Variants in CCSER1 observed in about 807,000 individuals in gnomAD.
CCSER1 encodes coiled-coil serine rich protein 1.
CCSER1 carries 41 observed loss-of-function variants against 82.0 expected under a neutral mutation model. The observed-to-expected ratio is 0.50, with a 90% CI of 0.39 to 0.65. CCSER1 has a LOEUF of 0.65. CCSER1 is among the 30% of genes least tolerant of loss of function. The pLI is 0.00. For synonymous variants in CCSER1, 414 were observed against 383.9 expected (o/e 1.08, Z -0.92); for missense variants, 1,119 against 1,064.2 (o/e 1.05, Z -0.72).
intron 8 of CCSER1, among the ~76,000 whole-genome samples, chr4:90,883,869 A>G (rs978379447): frequency 1.3e-4 from 19 of 151,936 alleles, no homozygotes; most frequent in Admixed American, 8.5e-4. Flanking sequence ...ACAATTGGAG[A>G]GAAAGAAAGA....
At chr4:90,490,747 T>C (rs182608116) in intron 5 of CCSER1, among the ~76,000 whole-genome samples, 4 of 152,118 alleles carry the variant, frequency 2.6e-5, no homozygotes, top group East Asian at 1.9e-4. Context: ...TATGGCTAGC[T>C]AGTTTTCCCA....
At chr4:90,481,038 T>G (rs989842107) in intron 5 of CCSER1, among the ~76,000 whole-genome samples, 1 of 152,196 alleles carries the variant, frequency 6.6e-6, no homozygotes, top group African/African-American at 2.4e-5. Flanking sequence ...TTTGTTTGTG[T>G]CCTCTTTTAT....
At chr4:90,307,484 C>T (rs1734508294) in intron 1 of CCSER1, among the ~76,000 whole-genome samples, 1 of 121,694 alleles carries the variant, frequency 8.2e-6, no homozygotes, top group Non-Finnish European at 1.6e-5. Context: ...CTCAGCTTCC[C>T]AAACCAAACT....
At chr4:91,413,286 GTTAAAA>G (rs1443878423) in intron 10 of CCSER1, among the ~76,000 whole-genome samples, 1 of 151,856 alleles carries the variant, frequency 6.6e-6, no homozygotes, top group Non-Finnish European at 1.5e-5. Context: ...CTACAAAAAT[GTTAAAA>G]TTAAATATTA....
intron 8 of CCSER1, among the ~76,000 whole-genome samples, chr4:90,871,284 TA>T (rs199869201): frequency 0.012 from 1,813 of 151,234 alleles, 20 homozygotes; most frequent in African/African-American, 0.032. Context: ...GTTCAAGTTT[TA>T]AAAAAAAATA....
In CCSER1 at chr4:90,179,390, T is replaced by G. The variant is rs1733305745; in HGVS notation, c.-42+51559T>G. Among the ~76,000 whole-genome samples the G allele has an allele frequency of 2.6e-5, 4 of 152,332 alleles. No individual in the cohort carries two copies. In the South Asian group the frequency reaches 6.2e-4, roughly 24 times the overall value. On this transcript the variant is annotated intron_variant, in intron 1 of 10. Coordinates refer to ENST00000509176, the MANE Select transcript of CCSER1 (RefSeq NM_001145065.2). ...CAAGATATTTTCCGAAGTATAATTT[T>G]TTTTTAATTTATTTTTTAGAGACAG... is the stretch of plus-strand genomic sequence containing the variant.
At chr4:90,269,673 A>C (rs1382108858) in intron 1 of CCSER1, among the ~76,000 whole-genome samples, 1 of 151,704 alleles carries the variant, frequency 6.6e-6, no homozygotes, top group African/African-American at 2.4e-5. Context: ...GAAAAGAAAT[A>C]ATGAATATTA....
intron 10 of CCSER1, among the ~76,000 whole-genome samples, chr4:91,518,526 C>T (rs1330585206): frequency 2.6e-5 from 4 of 152,136 alleles, no homozygotes; most frequent in Admixed American, 6.5e-5. Context: ...CTCCAAGAAA[C>T]GTGGAGCTGC....
At chr4:90,623,356 A>G (rs201298943) in intron 5 of CCSER1, among the ~76,000 whole-genome samples, 3 of 150,146 alleles carry the variant, frequency 2.0e-5, no homozygotes, top group Admixed American at 2.0e-4. Flanking sequence ...TTTTTTTTTT[A>G]TGGAGATAGA....
At chr4:91,179,115 G>A (rs1733726688) in intron 10 of CCSER1, among the ~76,000 whole-genome samples, 1 of 152,156 alleles carries the variant, frequency 6.6e-6, no homozygotes, top group Non-Finnish European at 1.5e-5. Context: ...CTTTATGAAT[G>A]GTGAATATTG....
intron 1 of CCSER1, among the ~76,000 whole-genome samples, chr4:90,156,658 G>C (rs1037614575): frequency 2.0e-5 from 3 of 151,982 alleles, no homozygotes; most frequent in African/African-American, 4.8e-5. Context: ...GATCTTTGTT[G>C]GTTTAAAGTC....
chr4:91,586,120 C>T (rs73836246), intron 10 of CCSER1, among the ~76,000 whole-genome samples: 16,543 of 151,382 alleles, frequency 0.11, 926 homozygotes, highest in Middle Eastern at 0.18. Flanking sequence ...TCAACTACAA[C>T]TTCAGAGTTT....
chr4:90,560,001 G>C (rs1444114690), intron 5 of CCSER1, among the ~76,000 whole-genome samples: 1 of 151,502 alleles, frequency 6.6e-6, no homozygotes, highest in Non-Finnish European at 1.5e-5. Flanking sequence ...CAAAAGGACT[G>C]ACAGCTGAAG....
chr4:91,529,855 T>C (rs114763103), intron 10 of CCSER1, among the ~76,000 whole-genome samples: 4,524 of 152,258 alleles, frequency 0.03, 104 homozygotes, highest in Non-Finnish European at 0.047. Flanking sequence ...AAGTTGTAGA[T>C]ATTAACTAAA....
chr4:90,742,212 C>T (rs1367185492), intron 7 of CCSER1, among the ~76,000 whole-genome samples: 1 of 152,144 alleles, frequency 6.6e-6, no homozygotes, highest in Non-Finnish European at 1.5e-5. Flanking sequence ...ATCACTCTCC[C>T]ACCAGGCTCC....
chr4:91,007,466 T>C (rs540840049), intron 9 of CCSER1, among the ~76,000 whole-genome samples: 4 of 152,318 alleles, frequency 2.6e-5, no homozygotes, highest in Admixed American at 2.0e-4. Flanking sequence ...TTGTTACTTG[T>C]CATTAGTCTG....
chr4:91,396,403 A>G (rs17018454), intron 10 of CCSER1, among the ~76,000 whole-genome samples: 4,911 of 152,192 alleles, frequency 0.032, 245 homozygotes, highest in African/African-American at 0.11. Context: ...TTAGTAAGCT[A>G]TCACTTATGT....
chr4:91,312,729 A>C (rs1703335143), intron 10 of CCSER1, among the ~76,000 whole-genome samples: 1 of 151,908 alleles, frequency 6.6e-6, no homozygotes, highest in South Asian at 2.1e-4. Context: ...GAAATTTCTT[A>C]ATGGGTCCAA....
rs376854999 is a variant in CCSER1 at position 90,150,187 on chromosome 4, T to C, written c.-42+22356T>C. On this transcript the variant is annotated intron_variant, in intron 1 of 10. Transcript: ENST00000509176. ...ATTCTACAGGACCAACTGAAGTAAC[T>C]TGAATATGTGCAGATTCTGGTATCT... Among the ~76,000 whole-genome samples the C allele has an allele frequency of 9.8e-5, 15 of 152,322 alleles. 1 individual carries two copies. The highest frequency in any genetic ancestry group is 3.1e-4 in the African/African-American group (13 of 41,590).
Sources: gnomAD v4.1 joint callset for allele counts (sites outside exome capture counted in the v4.1 genomes callset) on GRCh38, gnomAD v4.1.1 for gene constraint, MANE v1.5 for transcripts, NCBI Gene and HGNC (gene_info 2026-07-23, HGNC 2026-07-21) for gene names.